MAMLD1: variants seen among roughly 807,000 people sequenced by gnomAD.
The protein encoded by MAMLD1 is mastermind-like domain-containing protein 1.
MAMLD1 carries 14 observed loss-of-function variants against 45.0 expected under a neutral mutation model. The ratio of observed to expected loss-of-function variants is 0.31; its 90% CI spans 0.21 to 0.49. The LOEUF (loss-of-function observed/expected upper bound fraction) is 0.49, where lower values mean the gene tolerates loss of function less well. Ranked by LOEUF, MAMLD1 falls within the 20% of genes least tolerant of loss-of-function variation. The probability of loss-of-function intolerance (pLI) is 0.99; values close to 1 mark genes in which losing one functional copy is unlikely to be tolerated. For missense variants in MAMLD1, 543 were observed against 603.6 expected (o/e 0.90, Z 1.05); for synonymous variants, 254 against 247.8 (o/e 1.02, Z -0.24).
rs1201344502 is a variant in MAMLD1 at position 150,470,511 on chromosome X, G to A, written c.938G>A (p.Ser313Asn). Residue 313 changes from serine to asparagine, a missense_variant, in exon 4 of 8, where the codon AGC (serine) becomes AAC (asparagine). Transcript: ENST00000370401. ...HAHQLKALAA[S>N]KQGSATKQQG... The stretch of plus-strand genomic sequence containing the variant: ...CACCAGCTGAAGGCGTTGGCAGCCA[G>A]CAAGCAGGGGTCTGCTACAAAGCAG... 2 of 1,210,006 alleles carry A rather than the reference G, an allele frequency of 1.7e-6. No individual in the cohort carries two copies. Among genetic ancestry groups the A allele is most frequent in the African/African-American group, 1.8e-5 (1 of 57,073 alleles).
intron 3 of MAMLD1, 74 bp downstream of exon 3, chrX:150,462,920 G>C: frequency 1.3e-6 from 1 of 792,232 alleles, no homozygotes; most frequent in Non-Finnish European, 1.9e-6. Context: ...GTGTGAAAGG[G>C]ACCTACAAGA....
chrX:150,466,210 T>A (rs2036214386), intron 3 of MAMLD1, among the ~76,000 whole-genome samples: 1 of 112,960 alleles, frequency 8.9e-6, no homozygotes, highest in African/African-American at 3.2e-5. Flanking sequence ...TTTCCACGCC[T>A]CACTGATGTC....
intron 1 of MAMLD1, among the ~76,000 whole-genome samples, chrX:150,440,979 A>C (rs947488482): frequency 1.6e-3 from 166 of 104,919 alleles, no homozygotes; most frequent in African/African-American, 5.0e-3. Flanking sequence ...TTAAATATAA[A>C]ATAATATAAT....
Position 150,454,003 on chromosome X carries a change from C to T in MAMLD1, c.96+8391C>T, listed in dbSNP as rs907993154. On this transcript the variant is annotated intron_variant, in intron 2 of 7. Transcript: ENST00000370401. ...TCCTTCTCTCTGGTTCCCCACTTCT[C>T]TCCCTGGCCTGTGCTCATTCTAATG... Among the ~76,000 whole-genome samples, 8 of 112,565 alleles carry T rather than the reference C, an allele frequency of 7.1e-5. No homozygotes were observed. In the Admixed American group the frequency reaches 7.5e-4, roughly 11 times the overall value.
Position 150,512,590 on chromosome X carries a change from CA to C in MAMLD1, c.*633del, listed in dbSNP as rs1557409241. 4.3e-6 allele frequency: 5 copies of C among 1,153,482 alleles called. No homozygotes were observed. Among genetic ancestry groups the C allele is most frequent in the Admixed American group, 2.6e-5 (1 of 38,732 alleles). The stretch of plus-strand genomic sequence containing the variant: ...TGGGAACACAAGTGCCCCTGGCCAA[CA>C]ACCCCAGCTTCAGCCTGCTGGGCAG... On this transcript the variant is annotated 3_prime_UTR_variant, in exon 8 of 8. Transcript: ENST00000370401.
At chrX:150,421,395 T>C (rs1288860892) in intron 1 of MAMLD1, among the ~76,000 whole-genome samples, 1 of 112,788 alleles carries the variant, frequency 8.9e-6, no homozygotes, top group Non-Finnish European at 1.9e-5. Context: ...TCACCCGTCT[T>C]CTGCGTCGCT....
chrX:150,366,409 A>G (rs1015160622), intron 1 of MAMLD1, among the ~76,000 whole-genome samples: 1 of 112,055 alleles, frequency 8.9e-6, no homozygotes, highest in Non-Finnish European at 1.9e-5. Context: ...CAAGAAAGTA[A>G]TCAAAGGGTA....
At chrX:150,439,772 C>T (rs1557404440) in intron 1 of MAMLD1, among the ~76,000 whole-genome samples, 2 of 110,741 alleles carry the variant, frequency 1.8e-5, no homozygotes, top group African/African-American at 6.6e-5. Context: ...CCGTCTCTAC[C>T]AAAAATACAA....
intron 5 of MAMLD1, among the ~76,000 whole-genome samples, chrX:150,493,234 C>G (rs782606744): frequency 1.8e-5 from 2 of 111,432 alleles, no homozygotes; most frequent in South Asian, 7.5e-4. Context: ...GTGTGCTGAG[C>G]TAGGTACTTG....
rs368160359 is a variant in MAMLD1 at position 150,476,363 on chromosome X, G to A, written c.2040+2561G>A. On this transcript the variant is annotated intron_variant, in intron 5 of 7. Coordinates refer to ENST00000370401, the MANE Select transcript of MAMLD1 (RefSeq NM_005491.5). The stretch of plus-strand genomic sequence containing the variant: ...TACCTTGGCGTGTTGCAAAAATCGC[G>A]GTTAGGACTTACTTCAGTTTCACTA... Among the ~76,000 whole-genome samples, 25 of 112,437 alleles carry A rather than the reference G, an allele frequency of 2.2e-4. No homozygotes were observed. In the South Asian group the frequency reaches 9.2e-3, roughly 41 times the overall value.
chrX:150,403,985 AAAGAAAGAAAGAAGAAAGGAAGG>A (rs1385130083), intron 1 of MAMLD1, among the ~76,000 whole-genome samples: 61 of 94,215 alleles, frequency 6.5e-4, no homozygotes, highest in African/African-American at 2.2e-3. Context: ...AGAAAGAAAG[AAAGAAAGAAAGAAGAAAGGAAGG>A]AAGAAAGAAG....
intron 1 of MAMLD1, among the ~76,000 whole-genome samples, chrX:150,380,959 T>C (rs889597167): frequency 1.9e-4 from 21 of 110,591 alleles, no homozygotes; most frequent in African/African-American, 5.9e-4. Flanking sequence ...GTCTCAGCCT[T>C]CCAAAATGCT....
intron 1 of MAMLD1, among the ~76,000 whole-genome samples, chrX:150,435,560 T>C (rs1332860512): frequency 8.9e-6 from 1 of 112,339 alleles, no homozygotes; most frequent in Non-Finnish European, 1.9e-5. Flanking sequence ...TGTTTTTTGT[T>C]TGCTTGGTAG....
chrX:150,403,952 G>GA lies in MAMLD1; in HGVS notation c.-64+40425dup, dbSNP rs1289467181. ...CAGAGAAAGAAAGAAAAGAAAGAAA[G>GA]AAAGAAAGAAAGAAAGAAAGAAAGA... On this transcript the variant is annotated intron_variant, in intron 1 of 7. Transcript: ENST00000370401. Among the ~76,000 whole-genome samples, 240 of 71,879 alleles carry GA rather than the reference G, an allele frequency of 3.3e-3. 1 individual carries two copies. The highest frequency in any genetic ancestry group is 0.014 in the Middle Eastern group (2 of 144). The allele number at this position is 71,879 out of a possible 115,157, so 62.4% of individuals were successfully genotyped here.
intron 1 of MAMLD1, among the ~76,000 whole-genome samples, chrX:150,403,929 G>GAAAGAAA (rs1483226726): frequency 2.2e-5 from 1 of 45,039 alleles, no homozygotes; most frequent in African/African-American, 7.4e-5. Context: ...AAGAAAGACA[G>GAAAGAAA]AGAAAGAAAG....
intron 6 of MAMLD1, 97 bp downstream of exon 6, chrX:150,503,614 G>A (rs1473696227): frequency 1.1e-5 from 6 of 553,592 alleles, no homozygotes; most frequent in Non-Finnish European, 1.9e-5. Flanking sequence ...TTGTTGGGAG[G>A]AACACAGGAG....
At chrX:150,438,429 T>TCACCTCTATCTAATTTCTAA (rs1557404365) in intron 1 of MAMLD1, among the ~76,000 whole-genome samples, 14 of 112,381 alleles carry the variant, frequency 1.2e-4, no homozygotes, top group Non-Finnish European at 2.4e-4. Context: ...CACAATGTTA[T>TCACCTCTATCTAATTTCTAA]GCAACCATCA....
chrX:150,386,768 G>C (rs140705951), intron 1 of MAMLD1, among the ~76,000 whole-genome samples: 3,308 of 107,828 alleles, frequency 0.031, 48 homozygotes, highest in East Asian at 0.098. Flanking sequence ...TTAAATCCTG[G>C]TGCTCGCTTC....
intron 2 of MAMLD1, among the ~76,000 whole-genome samples, chrX:150,459,617 C>T (rs191887397): frequency 8.2e-5 from 9 of 109,828 alleles, no homozygotes; most frequent in African/African-American, 3.0e-4. Context: ...CTCATCTGTA[C>T]AATGAGGGTG....
Sources: allele counts gnomAD v4.1 joint callset (sites outside exome capture counted in the v4.1 genomes callset), GRCh38; gene constraint gnomAD v4.1.1; transcripts MANE v1.5; gene names NCBI Gene and HGNC (gene_info 2026-07-23, HGNC 2026-07-21).